PRKCA: variants seen among roughly 807,000 people sequenced by gnomAD.
PRKCA encodes protein kinase C alpha.
PRKCA carries 27 observed loss-of-function variants against 87.0 expected under a neutral mutation model. The observed-to-expected ratio is 0.31, with a 90% confidence interval of 0.23 to 0.43. The LOEUF (loss-of-function observed/expected upper bound fraction) is 0.43, where lower values mean the gene tolerates loss of function less well. Ranked by LOEUF, PRKCA falls within the 20% of genes least tolerant of loss-of-function variation. The pLI, the probability that PRKCA is intolerant of heterozygous loss-of-function variation, is 1.00. For synonymous variants in PRKCA, 329 were observed against 311.1 expected, an observed-to-expected ratio of 1.06 and a Z score of -0.61; for missense variants, 518 against 852.3, an observed-to-expected ratio of 0.61 and a Z score of 4.88.
intron 2 of PRKCA, among the ~76,000 whole-genome samples, chr17:66,396,075 A>G (rs1910648240): frequency 2.0e-5 from 3 of 150,854 alleles, no homozygotes; most frequent in Admixed American, 2.0e-4. Context: ...TTTTAATTGA[A>G]TATTGTAACT....
At chr17:66,353,737 C>T (rs115614314) in intron 2 of PRKCA, among the ~76,000 whole-genome samples, 2,091 of 152,140 alleles carry the variant, frequency 0.014, 54 homozygotes, top group African/African-American at 0.048. Flanking sequence ...CAAAGAATTC[C>T]CCCAATAGAA....
intron 8 of PRKCA, among the ~76,000 whole-genome samples, chr17:66,700,747 G>A (rs1973039954): frequency 6.6e-6 from 1 of 152,134 alleles, no homozygotes. Context: ...CCGAGGAGGT[G>A]AAATATCTGT....
chr17:66,796,712 A>G lies in PRKCA; in HGVS notation c.1855-7161A>G. 3 of 985,386 alleles carry G rather than the reference A, an allele frequency of 3.0e-6. No homozygotes were observed. The African/African-American group carries it at 5.2e-5, about 17-fold the overall frequency. The allele number at this position is 985,386 out of a possible 1,614,324, so 61.0% of individuals were successfully genotyped here. On this transcript the variant is annotated intron_variant, in intron 16 of 16. Coordinates refer to ENST00000413366, the MANE Select transcript of PRKCA (RefSeq NM_002737.3). ...CCAGGAAGCCCAAGTGAAATGCACC[A>G]GCCCATTTCTGCTGTTATTTAACTT...
intron 2 of PRKCA, among the ~76,000 whole-genome samples, chr17:66,362,664 G>A (rs1908457675): frequency 1.4e-5 from 2 of 140,574 alleles, no homozygotes; most frequent in African/African-American, 2.6e-5. Flanking sequence ...CTAGTGAGGT[G>A]CCTTGCAGGT....
intron 3 of PRKCA, among the ~76,000 whole-genome samples, chr17:66,566,251 C>T (rs575391548): frequency 1.6e-4 from 24 of 152,230 alleles, no homozygotes; most frequent in Middle Eastern, 3.4e-3. Context: ...TCCCAGGGAA[C>T]GGGCAGATGG....
At chr17:66,305,047 T>A (rs1904738188) in intron 1 of PRKCA, among the ~76,000 whole-genome samples, 1 of 152,140 alleles carries the variant, frequency 6.6e-6, no homozygotes, top group Non-Finnish European at 1.5e-5. Context: ...GGCGCTCAGG[T>A]CACCACCAGT....
chr17:66,393,406 C>T (rs77682324), intron 2 of PRKCA, among the ~76,000 whole-genome samples: 5,818 of 151,244 alleles, frequency 0.038, 160 homozygotes, highest in Middle Eastern at 0.082. Context: ...ATGCTTCTCC[C>T]GGACACACAC....
rs532906871 is a variant in PRKCA, at chr17:66,716,088, G to C, written c.919-16600G>C. On this transcript the variant is annotated intron_variant, in intron 8 of 16. Transcript: ENST00000413366. ...CAAAGAAGTCAAGGGTTTCCCAAGAGCTGGATGGCTCCTTCAGTCTATTCT... is the reference window on the plus strand; with the variant it reads ...CAAAGAAGTCAAGGGTTTCCCAAGACCTGGATGGCTCCTTCAGTCTATTCT... 3.3e-5 allele frequency among the ~76,000 whole-genome samples: 5 copies of C among 152,142 alleles called. No individual in the cohort carries two copies. The South Asian group carries it at 8.3e-4, about 25-fold the overall frequency.
At chr17:66,579,221 T>TA (rs1969342515) in intron 3 of PRKCA, among the ~76,000 whole-genome samples, 1 of 152,082 alleles carries the variant, frequency 6.6e-6, no homozygotes, top group Non-Finnish European at 1.5e-5. Flanking sequence ...CGACCATAAT[T>TA]ACGTAATTAC....
At chr17:66,503,341 A>G (rs57379353) in intron 3 of PRKCA, among the ~76,000 whole-genome samples, 22,229 of 152,084 alleles carry the variant, frequency 0.15, 1,890 homozygotes, top group East Asian at 0.3. Context: ...TTATTGCTCT[A>G]TCTCACCTGG....
At position 66,690,032 on chromosome 17, in the gene PRKCA, C is replaced by T. The variant is rs556104054; in HGVS notation, c.918+985C>T. Among the ~76,000 whole-genome samples, 11 of 151,914 alleles carry T rather than the reference C, an allele frequency of 7.2e-5. 1 individual carries two copies. In the Middle Eastern group the frequency reaches 0.01, roughly 141 times the overall value. ...CCTCTTTTCCTTCTTCTGTTGTTCT[C>T]CAAGAAACATACAGATCTGGGGGGT... is the stretch of plus-strand genomic sequence containing the variant. On this transcript the variant is annotated intron_variant, in intron 8 of 16. Coordinates refer to ENST00000413366, the MANE Select transcript of PRKCA (RefSeq NM_002737.3).
chr17:66,344,526 A>G (rs1907243103), intron 2 of PRKCA, among the ~76,000 whole-genome samples: 2 of 152,172 alleles, frequency 1.3e-5, no homozygotes, highest in South Asian at 4.1e-4. Context: ...AACAACAACA[A>G]AAAAACAGTT....
intron 3 of PRKCA, among the ~76,000 whole-genome samples, chr17:66,529,399 C>T (rs551157486): frequency 3.9e-5 from 6 of 152,244 alleles, no homozygotes; most frequent in East Asian, 1.9e-4. Context: ...ACTGCAGGGC[C>T]GTGTGACCTT....
intron 6 of PRKCA, 77 bp from the exon 7 acceptor site, chr17:66,688,225 G>T (rs1972682673): frequency 6.5e-6 from 10 of 1,540,534 alleles, no homozygotes; most frequent in Non-Finnish European, 7.9e-6. Context: ...TCTCAGGCTC[G>T]AGTCATATAC....
chr17:66,754,715 C>T (rs922776756), intron 13 of PRKCA, among the ~76,000 whole-genome samples: 14 of 151,998 alleles, frequency 9.2e-5, no homozygotes, highest in African/African-American at 2.2e-4. Context: ...TGGAGAGGTC[C>T]GGTGGGCCAA....
chr17:66,752,784 C>G (rs1207591654), intron 13 of PRKCA, among the ~76,000 whole-genome samples: 1 of 152,150 alleles, frequency 6.6e-6, no homozygotes, highest in Admixed American at 6.5e-5. Flanking sequence ...TTCCATGCAG[C>G]CACTTGTCAC....
chr17:66,589,936 T>G (rs1371425464), intron 3 of PRKCA, among the ~76,000 whole-genome samples: 2 of 152,178 alleles, frequency 1.3e-5, no homozygotes, highest in Admixed American at 1.3e-4. Context: ...TCTCTCAATG[T>G]GCAGTTCACA....
intron 2 of PRKCA, chr17:66,340,130 G>T (rs965063429): frequency 6.6e-6 from 1 of 152,084 alleles, no homozygotes; most frequent in African/African-American, 2.4e-5. Context: ...TTTATGTATT[G>T]TATTAAACTC....
At chr17:66,595,871 A>G (rs1003775787) in intron 3 of PRKCA, among the ~76,000 whole-genome samples, 2 of 152,214 alleles carry the variant, frequency 1.3e-5, no homozygotes, top group Non-Finnish European at 2.9e-5. Flanking sequence ...TGCATCAAAA[A>G]GGTTAAATCT....
Sources: allele counts gnomAD v4.1 joint callset (sites outside exome capture counted in the v4.1 genomes callset), GRCh38; gene constraint gnomAD v4.1.1; transcripts MANE v1.5; gene names NCBI Gene and HGNC (gene_info 2026-07-23, HGNC 2026-07-21).